COL4A4: variants seen among roughly 807,000 people sequenced by gnomAD.
COL4A4 encodes the protein collagen type IV alpha 4 chain.
COL4A4 carries 105 observed loss-of-function variants against 192.9 expected under a neutral mutation model. That is an observed-to-expected ratio of 0.54 (90% confidence interval 0.46 to 0.64). The LOEUF is 0.64. Ranked by LOEUF, COL4A4 falls within the 30% of genes least tolerant of loss-of-function variation. The pLI is 0.00. For synonymous variants in COL4A4, 762 were observed against 769.9 expected (o/e 0.99, Z 0.17); for missense variants, 1,967 against 2,169.3 (o/e 0.91, Z 1.85).
At position 227,027,701 on chromosome 2, in the gene COL4A4, A is replaced by G. The variant is rs1290414079; in HGVS notation, c.4081+201T>C. 8.5e-6 allele frequency: 3 copies of G among 351,482 alleles called. No individual in the cohort carries two copies. In the East Asian group the frequency reaches 1.4e-4, roughly 16 times the overall value. 21.8% of individuals were successfully genotyped at this position (351,482 alleles called of 1,614,324 possible). Reference sequence around the variant, plus strand: ...AAAAAAATCAACTCCTAATTTTCAAACTTTTTCATTTTGACAATAAATTAT... The same window carrying G: ...AAAAAAATCAACTCCTAATTTTCAAGCTTTTTCATTTTGACAATAAATTAT... On this transcript the variant is annotated intron_variant, in intron 42 of 47. Coordinates refer to ENST00000396625, the MANE Select transcript of COL4A4 (RefSeq NM_000092.5).
chr2:226,995,691 TCA>T, the COL4A4 span: 1 of 611,226 alleles, frequency 1.6e-6, no homozygotes, highest in Non-Finnish European at 2.9e-6. Flanking sequence ...ATGAGTCAAC[TCA>T]CAGCTTGCGG....
chr2:227,133,118 C>A (rs758991120), intron 4 of COL4A4, among the ~76,000 whole-genome samples: 6 of 152,168 alleles, frequency 3.9e-5, no homozygotes, highest in Non-Finnish European at 7.3e-5. Flanking sequence ...CCGCACCCAG[C>A]CTGGCCTGGG....
At chr2:227,038,903 A>G (rs888412834) in intron 37 of COL4A4, among the ~76,000 whole-genome samples, 2 of 152,224 alleles carry the variant, frequency 1.3e-5, no homozygotes, top group African/African-American at 4.8e-5. Context: ...ACTTTTCAGA[A>G]TGTATTTCAC....
At position 227,059,567 on chromosome 2, in the gene COL4A4, CAG is replaced by C. The variant is rs2150276003; in HGVS notation, c.2219_2220del (p.Pro740ArgfsTer47). ...PGFGGEKGSS[P>X]VGPPGPPGSP... ...GAGCCGGGAGGGCCTGGGGGCCCAA[CAG>C]GGGAGGACCCCTTTTCACCTCCAAA... On this transcript the variant is annotated frameshift_variant, in exon 28 of 48. Transcript: ENST00000396625. LOFTEE classifies it high-confidence loss of function. 1 of 1,614,150 alleles carries C rather than the reference CAG, an allele frequency of 6.2e-7. No homozygotes were observed. Among genetic ancestry groups the C allele is most frequent in the Non-Finnish European group, 8.5e-7 (1 of 1,180,012 alleles).
intron 22 of COL4A4, among the ~76,000 whole-genome samples, chr2:227,085,773 C>T (rs893034368): frequency 6.6e-6 from 1 of 152,146 alleles, no homozygotes; most frequent in Non-Finnish European, 1.5e-5. Context: ...ACCCCCATGA[C>T]CAAAACACCT....
intron 4 of COL4A4, among the ~76,000 whole-genome samples, chr2:227,138,516 C>T (rs1221816506): frequency 6.6e-6 from 1 of 151,820 alleles, no homozygotes; most frequent in African/African-American, 2.4e-5. Flanking sequence ...GCCTGTAGTC[C>T]CAGCTACTGA....
the COL4A4 span, among the ~76,000 whole-genome samples, chr2:226,987,207 A>G: frequency 6.6e-6 from 1 of 152,230 alleles, no homozygotes; most frequent in Non-Finnish European, 1.5e-5. Flanking sequence ...GCATAGCATT[A>G]GGACAAATAC....
the COL4A4 span, chr2:226,988,666 AT>A: frequency 1.0e-6 from 1 of 984,646 alleles, no homozygotes; most frequent in Non-Finnish European, 1.2e-6. Context: ...GGATTTTAAT[AT>A]TCCGAAGGGT....
intron 21 of COL4A4, among the ~76,000 whole-genome samples, chr2:227,089,648 C>G (rs555581609): frequency 1.6e-5 from 2 of 128,932 alleles, no homozygotes; most frequent in Non-Finnish European, 3.4e-5. Context: ...AAGGCTTTGA[C>G]TTTTATAATA....
chr2:227,145,254 C>T (rs999475876), intron 2 of COL4A4, among the ~76,000 whole-genome samples: 3 of 152,104 alleles, frequency 2.0e-5, no homozygotes, highest in Non-Finnish European at 2.9e-5. Flanking sequence ...TTAAGACCAG[C>T]CTGGCCAGCA....
At chr2:227,156,507 A>C (rs1188079988) in intron 1 of COL4A4, among the ~76,000 whole-genome samples, 2 of 151,820 alleles carry the variant, frequency 1.3e-5, no homozygotes, top group African/African-American at 4.8e-5. Context: ...AAAAATAGGA[A>C]TAAGCTATGA....
At chr2:227,140,838 C>G (rs2063150767) in intron 3 of COL4A4, among the ~76,000 whole-genome samples, 1 of 151,216 alleles carries the variant, frequency 6.6e-6, no homozygotes, top group Non-Finnish European at 1.5e-5. Context: ...ACCTTTTCCC[C>G]ACTTTTAGCA....
chr2:227,054,079 A>G (rs1974787992), intron 31 of COL4A4, among the ~76,000 whole-genome samples: 1 of 152,244 alleles, frequency 6.6e-6, no homozygotes, highest in Non-Finnish European at 1.5e-5. Context: ...ATGAAATTCA[A>G]ACCTTAGTAT....
At chr2:227,062,120 C>A (rs1977234734) in intron 26 of COL4A4, among the ~76,000 whole-genome samples, 1 of 151,892 alleles carries the variant, frequency 6.6e-6, no homozygotes, top group Non-Finnish European at 1.5e-5. Flanking sequence ...TACCTGTAGT[C>A]CCAGCTACTT....
At chr2:227,030,068 A>C (rs1466004110) in intron 41 of COL4A4, among the ~76,000 whole-genome samples, 2 of 151,554 alleles carry the variant, frequency 1.3e-5, no homozygotes, top group East Asian at 3.8e-4. Flanking sequence ...TATATTAACT[A>C]TATGTTAAAA....
intron 29 of COL4A4, among the ~76,000 whole-genome samples, chr2:227,056,368 A>G (rs951101955): frequency 5.4e-5 from 7 of 129,358 alleles, no homozygotes; most frequent in Admixed American, 2.4e-4. Context: ...TTTTTAACAG[A>G]AAACAAAAAG....
rs945691380 is a variant in COL4A4, at chr2:227,123,372, G to A, written c.193-2224C>T. Among the ~76,000 whole-genome samples the A allele has an allele frequency of 6.6e-6, 1 of 152,176 alleles. No individual in the cohort carries two copies. ...GCCTTCAAACAGGAAAGCCCTCACA[G>A]CCTGACTTCATCAGGGTGCTCCAGG... On this transcript the variant is annotated intron_variant, in intron 4 of 47. Transcript: ENST00000396625. This position sits in a 1 kb window ranked among gnomAD's most constrained non-coding sequence, Gnocchi z 4.6.
chr2:227,119,822 C>T (rs2061683327), intron 6 of COL4A4, 73 bp downstream of exon 6: 2 of 869,594 alleles, frequency 2.3e-6, no homozygotes, highest in East Asian at 2.9e-5. Flanking sequence ...TGTATATATA[C>T]ATGTGGTTTT....
chr2:227,065,828 C>T (rs1379454833), intron 25 of COL4A4, among the ~76,000 whole-genome samples: 5 of 152,242 alleles, frequency 3.3e-5, no homozygotes, highest in Non-Finnish European at 2.9e-5. Context: ...CTCTCCTCTT[C>T]CAAAGGAACG....
Sources: gnomAD v4.1 joint callset for allele counts (sites outside exome capture counted in the v4.1 genomes callset) on GRCh38, gnomAD v4.1.1 for gene constraint, Gnocchi (gnomAD v3.1) non-coding constraint, MANE v1.5 for transcripts, NCBI Gene and HGNC (gene_info 2026-07-23, HGNC 2026-07-21) for gene names.